Variants in GRIK3 observed in about 807,000 individuals in gnomAD.
GRIK3 encodes the protein glutamate receptor ionotropic, kainate 3.
A neutral mutation model predicts 102.5 loss-of-function variants in GRIK3; 29 were observed. That is an observed-to-expected ratio of 0.28 (90% confidence interval 0.21 to 0.39). The LOEUF is 0.39. Among genes scored for constraint, GRIK3 ranks in the 10% least tolerant of loss-of-function variants. The pLI is 1.00. For synonymous variants in GRIK3, 511 were observed against 504.9 expected, an observed-to-expected ratio of 1.01 and a Z score of -0.16; for missense variants, 908 against 1,252.4, an observed-to-expected ratio of 0.73 and a Z score of 4.15.
chr1:37,033,351 A>G (rs768871171), intron 1 of GRIK3, among the ~76,000 whole-genome samples: 2 of 152,052 alleles, frequency 1.3e-5, no homozygotes, highest in African/African-American at 2.4e-5. Flanking sequence ...CTCTACCTGC[A>G]CTGCCCCAGG....
At chr1:37,032,139 G>C (rs1171512736) in intron 1 of GRIK3, among the ~76,000 whole-genome samples, 3 of 152,194 alleles carry the variant, frequency 2.0e-5, no homozygotes, top group African/African-American at 7.2e-5. Flanking sequence ...GGGCGGGCAG[G>C]CTTGGGGATG....
intron 1 of GRIK3, among the ~76,000 whole-genome samples, chr1:36,894,262 C>A (rs1362475286): frequency 6.6e-6 from 1 of 152,194 alleles, no homozygotes; most frequent in Non-Finnish European, 1.5e-5. Flanking sequence ...AATAGGTGGT[C>A]TTTTCATCTG....
In GRIK3 at chr1:36,800,682, G is replaced by C. The variant is rs1642430696; in HGVS notation, c.*1169C>G. The C allele has an allele frequency of 6.6e-6, 1 of 152,340 alleles. No homozygotes were observed. Among genetic ancestry groups the C allele is most frequent in the Non-Finnish European group, 1.5e-5 (1 of 68,040 alleles). 9.4% of individuals were successfully genotyped at this position (152,340 alleles called of 1,614,324 possible). A position where few individuals can be genotyped will look rare whatever the true frequency, so the allele number is the denominator to read the frequency against. Reference sequence around the variant, plus strand: ...TTCTTTTCCTGGGGAGCATCTCTAGGTTTGGTAAGTCCAGGAGACCAGAAG... The same window carrying C: ...TTCTTTTCCTGGGGAGCATCTCTAGCTTTGGTAAGTCCAGGAGACCAGAAG... On this transcript the variant is annotated 3_prime_UTR_variant, in exon 16 of 16. Transcript: ENST00000373091.
In GRIK3 at chr1:36,809,185, CCATCCATCCACCCAT is replaced by C. The variant is rs1323543037; in HGVS notation, c.2092-2874_2092-2860del. ...TCCATCCATCCATCCATCCACCCAC[CCATCCATCCACCCAT>C]CATCCATCCATCCATCCATCCAACC... On this transcript the variant is annotated intron_variant, in intron 13 of 15. Coordinates refer to ENST00000373091, the MANE Select transcript of GRIK3 (RefSeq NM_000831.4). Among the ~76,000 whole-genome samples, 51 of 151,894 alleles carry C rather than the reference CCATCCATCCACCCAT, an allele frequency of 3.4e-4. 1 individual carries two copies. The highest frequency in any genetic ancestry group is 5.9e-4 in the Admixed American group (9 of 15,240).
At chr1:36,849,677 G>C (rs572128965) in intron 9 of GRIK3, 1 of 152,772 alleles carries the variant, frequency 6.5e-6, no homozygotes, top group South Asian at 2.1e-4. Flanking sequence ...AAGGGGGTCA[G>C]CAGCCTGGGT....
chr1:36,837,113 G>A (rs1180936525), intron 10 of GRIK3, among the ~76,000 whole-genome samples: 1 of 151,804 alleles, frequency 6.6e-6, no homozygotes, highest in Non-Finnish European at 1.5e-5. Flanking sequence ...TGCCATTCAG[G>A]GTCCCACCCC....
intron 5 of GRIK3, among the ~76,000 whole-genome samples, chr1:36,866,849 A>G (rs891058259): frequency 6.6e-6 from 1 of 152,196 alleles, no homozygotes; most frequent in Non-Finnish European, 1.5e-5. Flanking sequence ...CCATCCGTCC[A>G]TCCATCCAGC....
rs372100001 is a variant in GRIK3 at position 36,826,884 on chromosome 1, C to T, written c.1531-1058G>A. ...TTTTCCTGATTAAAAAACTAGATTC[C>T]CTCATTCCCATCCCATCTTTCCAGG... is the stretch of plus-strand genomic sequence containing the variant. On this transcript the variant is annotated intron_variant, in intron 10 of 15. Coordinates refer to ENST00000373091, the MANE Select transcript of GRIK3 (RefSeq NM_000831.4). Among the ~76,000 whole-genome samples, 43 of 152,000 alleles carry T rather than the reference C, an allele frequency of 2.8e-4. No individual in the cohort carries two copies. The East Asian group carries it at 3.5e-3, about 12-fold the overall frequency.
chr1:36,966,004 G>T (rs1199357168), intron 1 of GRIK3, among the ~76,000 whole-genome samples: 1 of 152,210 alleles, frequency 6.6e-6, no homozygotes, highest in Non-Finnish European at 1.5e-5. Context: ...TGCTATATTA[G>T]CCAGGGAAGC....
chr1:37,010,722 T>C (rs530413502), intron 1 of GRIK3, among the ~76,000 whole-genome samples: 51 of 145,318 alleles, frequency 3.5e-4, no homozygotes, highest in African/African-American at 1.2e-3. Flanking sequence ...TTCTCACCTG[T>C]ACCACTTTTT....
chr1:36,866,624 A>G (rs1476795842), intron 5 of GRIK3, among the ~76,000 whole-genome samples: 2 of 152,210 alleles, frequency 1.3e-5, no homozygotes, highest in Non-Finnish European at 2.9e-5. Flanking sequence ...ACGTCAATGC[A>G]CTCAGCGTAA....
chr1:36,990,823 C>A (rs1157892972), intron 1 of GRIK3, among the ~76,000 whole-genome samples: 5 of 151,956 alleles, frequency 3.3e-5, no homozygotes, highest in Non-Finnish European at 5.9e-5. Context: ...GAGGGTGGCC[C>A]CTGGAGATAG....
chr1:36,859,177 C>T lies in GRIK3; in HGVS notation c.1035G>A (p.Val345=), dbSNP rs760778502. ...VCYQRAPQMT[V]NSLQCHRHKA... ...TGTGCCGATGGCACTGCAGGGAGTT[C>T]ACGGTCATCTGTGGTGCCCGCTGGT... Residue 345 remains valine, a synonymous_variant, in exon 7 of 16, where the codon GTG becomes GTA. Transcript: ENST00000373091. 3.1e-6 allele frequency: 5 copies of T among 1,613,846 alleles called. No individual in the cohort carries two copies. Among genetic ancestry groups the T allele is most frequent in the African/African-American group, 1.3e-5 (1 of 74,938 alleles).
chr1:36,891,443 G>T (rs564670842), intron 1 of GRIK3, among the ~76,000 whole-genome samples: 1 of 152,276 alleles, frequency 6.6e-6, no homozygotes, highest in South Asian at 2.1e-4. Flanking sequence ...AGGAATCTAA[G>T]ACTGGTTCAA....
intron 1 of GRIK3, among the ~76,000 whole-genome samples, chr1:36,959,975 GCCCCATGAGCCTC>G (rs1641985481): frequency 1.7e-5 from 2 of 117,134 alleles, no homozygotes; most frequent in African/African-American, 3.1e-5. Context: ...GTGAGTCTAT[GCCCCATGAGCCTC>G]TGTGCCCCGT....
chr1:36,955,332 C>T (rs549763972), intron 1 of GRIK3, among the ~76,000 whole-genome samples: 203 of 152,280 alleles, frequency 1.3e-3, no homozygotes, highest in African/African-American at 4.4e-3. Context: ...CAACACCACC[C>T]AAACTGTGCT....
intron 4 of GRIK3, among the ~76,000 whole-genome samples, chr1:36,871,653 A>G (rs1424089637): frequency 1.3e-5 from 2 of 152,186 alleles, no homozygotes; most frequent in Admixed American, 6.5e-5. Flanking sequence ...TCCAGGACTG[A>G]GAGCCATTCT....
At chr1:36,839,613 G>A (rs1294887160) in intron 10 of GRIK3, among the ~76,000 whole-genome samples, 1 of 152,116 alleles carries the variant, frequency 6.6e-6, no homozygotes, top group Non-Finnish European at 1.5e-5. Context: ...TGTTGACTTA[G>A]TCCTCCTAAC....
In GRIK3 at chr1:36,805,114, G is replaced by C; in HGVS notation, c.2438C>G (p.Ala813Gly). 1 of 1,614,184 alleles carries C rather than the reference G, an allele frequency of 6.2e-7. No homozygotes were observed. Among genetic ancestry groups the C allele is most frequent in the Middle Eastern group, 1.6e-4 (1 of 6,062 alleles). Residue 813 changes from alanine to glycine, a missense_variant, in exon 15 of 16, where the codon GCC becomes GGC. By Grantham distance (60) the Ala-to-Gly change is moderately conservative (BLOSUM62 0). Around this residue, in one of 3 missense-constraint regions of GRIK3, gnomAD observed 297 missense variants for 362.7 expected, o/e 0.82. Coordinates refer to ENST00000373091, the MANE Select transcript of GRIK3 (RefSeq NM_000831.4). The stretch of plus-strand genomic sequence containing the variant: ...GATCTTCTGGATCCCCAGGGCACTG[G>C]CCTCTTTGTTTTCCTCCTCAGGACA... ...SGCPEEENKE[A>G]SALGIQKIGG...
Sources: allele counts gnomAD v4.1 joint callset (sites outside exome capture counted in the v4.1 genomes callset), GRCh38; gene constraint gnomAD v4.1.1; regional missense constraint gnomAD v4.1.1; transcripts MANE v1.5; gene names NCBI Gene and HGNC (gene_info 2026-07-23, HGNC 2026-07-21).